Variants in SYNE1 observed in about 807,000 individuals in gnomAD.
SYNE1 encodes nesprin-1.
A neutral mutation model predicts 1,111.0 loss-of-function variants in SYNE1; 616 were observed. That is an observed-to-expected ratio of 0.55 (90% CI 0.52 to 0.59). SYNE1 has a LOEUF of 0.59. Among genes scored for constraint, SYNE1 ranks in the 20% least tolerant of loss-of-function variants. The pLI, the probability that SYNE1 is intolerant of heterozygous loss-of-function variation, is 0.00. For synonymous variants in SYNE1, 3,855 were observed against 3,825.8 expected (o/e 1.01, Z -0.28); for missense variants, 10,006 against 10,417.0 (o/e 0.96, Z 1.72).
At chr6:152,138,013 G>C (rs2057461300) in intron 140 of SYNE1, among the ~76,000 whole-genome samples, 1 of 152,116 alleles carries the variant, frequency 6.6e-6, no homozygotes, top group African/African-American at 2.4e-5. Flanking sequence ...TAAGGAATCT[G>C]GTTATAATGC....
rs1349913105 is a variant in SYNE1, at chr6:152,455,873, G to T, written c.2727+13C>A. 7 of 1,613,928 alleles carry T rather than the reference G, an allele frequency of 4.3e-6. No individual in the cohort carries two copies. The highest frequency in any genetic ancestry group is 5.9e-6 in the Non-Finnish European group (7 of 1,179,926). ...CCCTGGCTCACAGCTCTAAAGCAGG[G>T]AGAGCAAATTACCTGAAAAGCAACA... On this transcript the variant is annotated intron_variant, in intron 23 of 145. Coordinates refer to ENST00000367255, the MANE Select transcript of SYNE1 (RefSeq NM_182961.4).
chr6:152,289,794 G>T lies in SYNE1; in HGVS notation c.18012+3794C>A, dbSNP rs535012887. On this transcript the variant is annotated intron_variant, in intron 95 of 145. Transcript: ENST00000367255. The stretch of plus-strand genomic sequence containing the variant: ...AGCGCCCACCACCATGCCTGGCTAA[G>T]TTTTTGTATTTTTAGTAGAGACGGG... 1.1e-4 allele frequency among the ~76,000 whole-genome samples: 17 copies of T among 151,960 alleles called. No individual in the cohort carries two copies. In the South Asian group the frequency reaches 2.9e-3, roughly 26 times the overall value.
At chr6:152,479,616 TC>T (rs1335780673) in intron 14 of SYNE1, among the ~76,000 whole-genome samples, 25 of 152,182 alleles carry the variant, frequency 1.6e-4, no homozygotes, top group African/African-American at 5.8e-4. Flanking sequence ...CTATCTCACA[TC>T]CGTCATGTTA....
At chr6:152,462,302 T>C (rs1430580315) in intron 20 of SYNE1, among the ~76,000 whole-genome samples, 1 of 152,188 alleles carries the variant, frequency 6.6e-6, no homozygotes, top group Admixed American at 6.5e-5. Flanking sequence ...GTTGTTTGCT[T>C]TTCTCATGTA....
At chr6:152,438,193 G>C (rs577735987) in intron 32 of SYNE1, among the ~76,000 whole-genome samples, 1 of 152,134 alleles carries the variant, frequency 6.6e-6, no homozygotes, top group Non-Finnish European at 1.5e-5. Flanking sequence ...TACTATATCT[G>C]ACAGTCATGG....
chr6:152,594,254 G>T (rs1237583512), intron 3 of SYNE1, among the ~76,000 whole-genome samples: 1 of 152,094 alleles, frequency 6.6e-6, no homozygotes, highest in Non-Finnish European at 1.5e-5. Flanking sequence ...AATGGACAGG[G>T]GACATAAGAG....
At chr6:152,340,374 TCTCTAGTCTAGAGTTTCTCAACTCAGAA>T (rs1322819281) in intron 74 of SYNE1, among the ~76,000 whole-genome samples, 3 of 152,288 alleles carry the variant, frequency 2.0e-5, no homozygotes, top group Admixed American at 6.5e-5. Context: ...CTGGGTTTTG[TCTCTAGTCTAGAGTTTCTCAACTCAGAA>T]CTATTGACAG....
At chr6:152,616,286 G>C (rs745640178) in intron 3 of SYNE1, among the ~76,000 whole-genome samples, 3 of 152,158 alleles carry the variant, frequency 2.0e-5, no homozygotes, top group Non-Finnish European at 2.9e-5. Context: ...TCAGGAGCTA[G>C]TGTTGGGCCG....
rs779872101 is a variant in SYNE1, at chr6:152,399,823, C to A, written c.7030G>T (p.Asp2344Tyr). The change falls in exon 48 of 146, where the codon GAT (aspartate) becomes TAT (tyrosine). Residue 2344 changes from aspartate (D) to tyrosine (Y), a missense_variant and splice_region_variant. Asp to Tyr is a radical substitution (Grantham distance 160). Around this residue, in one of 7 missense-constraint regions of SYNE1, gnomAD observed 4,955 missense variants for 5,017.2 expected, o/e 0.99. Transcript: ENST00000367255. ...TGACTTTGAAGTTCTTTTTGTATAT[C>A]CTACAGAATAAAAGTATATTATGAA... ...ETCEALKKVK[D>Y]IQKELQSQQS... The A allele has an allele frequency of 6.2e-7, 1 of 1,613,570 alleles. No individual in the cohort carries two copies. The highest frequency in any genetic ancestry group is 1.7e-5 in the Admixed American group (1 of 59,982).
rs2096402263 is a variant in SYNE1 at position 152,336,866 on chromosome 6, G to A, written c.12503C>T (p.Ala4168Val). Residue 4168 changes from alanine to valine, a missense_variant, in exon 76 of 146, where the codon GCA becomes GTA. Physicochemically the swap from Ala to Val is moderately conservative, Grantham distance 64. This residue lies in a region of SYNE1 where 4,955 missense variants were observed against 5,017.2 expected (regional missense o/e 0.99). Transcript: ENST00000367255. ...RRHSELELNI[A>V]QNMVSQVKDF... Reference sequence around the variant, plus strand: ...CTTAACTTGTGAAACCATGTTCTGTGCAATGTTCAGCTCCAGCTCAGAGTG... The same window carrying A: ...CTTAACTTGTGAAACCATGTTCTGTACAATGTTCAGCTCCAGCTCAGAGTG... The A allele has an allele frequency of 6.2e-7, 1 of 1,613,878 alleles. No individual in the cohort carries two copies. The highest frequency in any genetic ancestry group is 1.3e-5 in the African/African-American group (1 of 75,022).
At chr6:152,409,798 T>C (rs909068669) in intron 42 of SYNE1, 89 bp from the exon 43 acceptor site, 6 of 1,369,814 alleles carry the variant, frequency 4.4e-6, no homozygotes, top group Non-Finnish European at 6.2e-6. Flanking sequence ...TTTCACTACG[T>C]AAAGGTATTA....
chr6:152,591,065 G>T (rs2099560046), intron 3 of SYNE1, among the ~76,000 whole-genome samples: 1 of 152,070 alleles, frequency 6.6e-6, no homozygotes. Context: ...ATTTCTTTCA[G>T]CAGTGTCTTG....
intron 4 of SYNE1, among the ~76,000 whole-genome samples, chr6:152,533,285 C>T (rs1484447355): frequency 6.0e-5 from 9 of 150,964 alleles, no homozygotes; most frequent in Non-Finnish European, 1.5e-5. Context: ...ATAATCCTTT[C>T]CACTTCCTCG....
chr6:152,155,822 G>C, intron 132 of SYNE1, 88 bp downstream of exon 132: 1 of 1,517,618 alleles, frequency 6.6e-7, no homozygotes, highest in Non-Finnish European at 9.1e-7. Flanking sequence ...GTAACGAACA[G>C]GAAAGAGTGA....
chr6:152,497,535 C>T (rs2154317330), intron 11 of SYNE1, among the ~76,000 whole-genome samples: 1 of 152,282 alleles, frequency 6.6e-6, no homozygotes, highest in East Asian at 1.9e-4. Context: ...CATTGTGAGC[C>T]TGAGGACAGG....
chr6:152,187,818 T>C (rs1247634370), intron 128 of SYNE1, among the ~76,000 whole-genome samples: 1 of 152,114 alleles, frequency 6.6e-6, no homozygotes, highest in Non-Finnish European at 1.5e-5. Flanking sequence ...CTCCGGCTCC[T>C]GGGTTCAAGT....
chr6:152,512,048 G>C (rs1177077437), intron 6 of SYNE1, among the ~76,000 whole-genome samples: 1 of 152,084 alleles, frequency 6.6e-6, no homozygotes, highest in Non-Finnish European at 1.5e-5. Context: ...AAGATTTCAT[G>C]AAGTGTGTTA....
In SYNE1 at chr6:152,353,348, G is replaced by A; in HGVS notation, c.11168C>T (p.Ser3723Phe). ...SLSSYSDWYG[S>F]THKNFKNVAT... is the part of the protein sequence containing the mutation. ...CACATTCTTGAAGTTTTTATGAGTA[G>A]AGCCATACCAATCAGAATAGGAACT... Residue 3723 changes from serine (S) to phenylalanine (F), a missense_variant, in exon 69 of 146, where the codon TCT becomes TTT. This residue lies in a region of SYNE1 where 4,955 missense variants were observed against 5,017.2 expected (regional missense o/e 0.99). Transcript: ENST00000367255. 1 of 1,614,056 alleles carries A rather than the reference G, an allele frequency of 6.2e-7. No individual in the cohort carries two copies. Among genetic ancestry groups the A allele is most frequent in the Non-Finnish European group, 8.5e-7 (1 of 1,180,008 alleles).
Position 152,122,137 on chromosome 6 carries a change from GC to G in SYNE1, c.*298del, listed in dbSNP as rs1174160641. On this transcript the variant is annotated 3_prime_UTR_variant, in exon 146 of 146. Coordinates refer to ENST00000367255, the MANE Select transcript of SYNE1 (RefSeq NM_182961.4). ...TGGCTGTGCACAGAATGGGCCAAGG[GC>G]CCAGAATTCATGAGTCCGGGGAACT... 1 of 430,444 alleles carries G rather than the reference GC, an allele frequency of 2.3e-6. No homozygotes were observed. Among genetic ancestry groups the G allele is most frequent in the Non-Finnish European group, 4.3e-6 (1 of 230,388 alleles). The allele number at this position is 430,444 out of a possible 1,614,324, so 26.7% of individuals were successfully genotyped here. A position where few individuals can be genotyped will look rare whatever the true frequency, so the allele number is the denominator to read the frequency against.
Sources: allele counts gnomAD v4.1 joint callset (sites outside exome capture counted in the v4.1 genomes callset), GRCh38; gene constraint gnomAD v4.1.1; regional missense constraint gnomAD v4.1.1; transcripts MANE v1.5; gene names NCBI Gene and HGNC (gene_info 2026-07-23, HGNC 2026-07-21).